The following TNFAIP8 variants were observed in gnomAD, a reference collection of about 807,000 sequenced individuals.
TNFAIP8 encodes tumor necrosis factor alpha-induced protein 8.
TNFAIP8 carries 7 observed loss-of-function variants against 13.3 expected under a neutral mutation model. That is an observed-to-expected ratio of 0.52 (90% CI 0.30 to 0.99). The LOEUF (loss-of-function observed/expected upper bound fraction) is 0.99, where lower values mean the gene tolerates loss of function less well. Among genes scored for constraint, TNFAIP8 ranks in the 50% least tolerant of loss-of-function variants. TNFAIP8 has a pLI of 0.07. For missense variants in TNFAIP8, 258 were observed against 236.9 expected (o/e 1.09, Z -0.58); for synonymous variants, 94 against 87.6 (o/e 1.07, Z -0.41).
intron 1 of TNFAIP8, among the ~76,000 whole-genome samples, chr5:119,299,586 G>T (rs566144384): frequency 5.9e-4 from 90 of 152,206 alleles, no homozygotes; most frequent in Non-Finnish European, 1.1e-3. Context: ...GAGGCAGTCT[G>T]TCCGTTCTCA....
At chr5:119,384,750 C>G (rs139195999) in intron 1 of TNFAIP8, among the ~76,000 whole-genome samples, 12 of 152,276 alleles carry the variant, frequency 7.9e-5, no homozygotes, top group African/African-American at 2.9e-4. Flanking sequence ...ACTAACATCA[C>G]CAAACTTTCT....
intron 1 of TNFAIP8, among the ~76,000 whole-genome samples, chr5:119,348,608 C>T (rs754684358): frequency 9.2e-5 from 14 of 152,050 alleles, no homozygotes; most frequent in Non-Finnish European, 2.1e-4. Context: ...TGGCTGGGCA[C>T]GGAGTCTCAC....
upstream of TNFAIP8, among the ~76,000 whole-genome samples, chr5:119,351,998 C>G (rs1382823017): frequency 6.6e-6 from 1 of 151,978 alleles, no homozygotes; most frequent in Non-Finnish European, 1.5e-5. Flanking sequence ...CTGTCTTGGC[C>G]AGGCTGGTCT....
At chr5:119,315,353 G>A (rs1162166964) in intron 1 of TNFAIP8, among the ~76,000 whole-genome samples, 1 of 152,124 alleles carries the variant, frequency 6.6e-6, no homozygotes, top group Admixed American at 6.6e-5. Flanking sequence ...CAAAGTGCTG[G>A]GATTACAGGT....
rs1444474624 is a variant in TNFAIP8 at position 119,372,464 on chromosome 5, A to G, written c.31+16343A>G. Among the ~76,000 whole-genome samples, 7 of 152,328 alleles carry G rather than the reference A, an allele frequency of 4.6e-5. No homozygotes were observed. The East Asian group carries it at 1.2e-3, about 25-fold the overall frequency. ...AAATAACAGCTAGATATGATCAATA[A>G]TATAATATTTTCCAAGAACAAAGAT... On this transcript the variant is annotated intron_variant, in intron 1 of 1. Coordinates refer to ENST00000504771, the MANE Select transcript of TNFAIP8 (RefSeq NM_014350.4).
chr5:119,270,091 G>T (rs1748232965), intron 1 of TNFAIP8, among the ~76,000 whole-genome samples: 1 of 152,118 alleles, frequency 6.6e-6, no homozygotes. Flanking sequence ...ATTATTCTTC[G>T]AGGGTAAGGA....
chr5:119,361,041 A>G (rs1216872406), intron 1 of TNFAIP8, among the ~76,000 whole-genome samples: 3 of 152,152 alleles, frequency 2.0e-5, no homozygotes, highest in Non-Finnish European at 4.4e-5. Flanking sequence ...TTGGGTACAG[A>G]CACTCTTCCT....
At chr5:119,307,119 A>G (rs1043759410) in intron 1 of TNFAIP8, among the ~76,000 whole-genome samples, 3 of 152,194 alleles carry the variant, frequency 2.0e-5, no homozygotes, top group African/African-American at 7.2e-5. Context: ...CACATTAAAT[A>G]CTTTGAACAT....
intron 1 of TNFAIP8, among the ~76,000 whole-genome samples, chr5:119,287,885 C>T (rs1561983875): frequency 1.3e-5 from 2 of 152,188 alleles, no homozygotes; most frequent in African/African-American, 2.4e-5. Context: ...AAAATTGTGG[C>T]TTTACTAACC....
chr5:119,320,550 A>G (rs1750024189), intron 1 of TNFAIP8, among the ~76,000 whole-genome samples: 1 of 152,032 alleles, frequency 6.6e-6, no homozygotes, highest in Admixed American at 6.6e-5. Context: ...ACTACTCCTC[A>G]AAAACCCTTT....
intron 1 of TNFAIP8, among the ~76,000 whole-genome samples, chr5:119,302,683 G>A (rs1178141669): frequency 6.6e-6 from 1 of 152,164 alleles, no homozygotes; most frequent in Non-Finnish European, 1.5e-5. Context: ...CATTAGGTTA[G>A]CTGGATCAGT....
intron 1 of TNFAIP8, among the ~76,000 whole-genome samples, chr5:119,309,693 A>G (rs939408333): frequency 1.3e-5 from 2 of 152,182 alleles, no homozygotes; most frequent in African/African-American, 4.8e-5. Context: ...GTGACTCCCC[A>G]CTCACAAAAG....
At chr5:119,362,721 G>A (rs1261313657) in intron 1 of TNFAIP8, among the ~76,000 whole-genome samples, 2 of 151,804 alleles carry the variant, frequency 1.3e-5, no homozygotes, top group Admixed American at 6.6e-5. Context: ...GAGCCCAGGA[G>A]TTCAAGGCTG....
chr5:119,397,551 A>T lies in TNFAIP8; in HGVS notation c.*4170A>T, dbSNP rs1246808135. 6.6e-6 allele frequency: 1 copy of T among 152,214 alleles called. No homozygotes were observed. Among genetic ancestry groups the T allele is most frequent in the Non-Finnish European group, 1.5e-5 (1 of 68,028 alleles). 9.4% of individuals were successfully genotyped at this position (152,214 alleles called of 1,614,324 possible). ...GGCTTCTAGGTGATTTGTTAAACTC[A>T]TAGCAGGTTTTAGTACACAGTGCTG... is the stretch of plus-strand genomic sequence containing the variant. On this transcript the variant is annotated 3_prime_UTR_variant, in exon 2 of 2. Coordinates refer to ENST00000504771, the MANE Select transcript of TNFAIP8 (RefSeq NM_014350.4).
chr5:119,376,196 C>T (rs992245059), intron 1 of TNFAIP8, among the ~76,000 whole-genome samples: 8 of 151,548 alleles, frequency 5.3e-5, no homozygotes, highest in Non-Finnish European at 1.0e-4. Flanking sequence ...CTCACTGCAA[C>T]CTCCCCGTCC....
At chr5:119,336,403 G>T (rs537818334) in intron 1 of TNFAIP8, among the ~76,000 whole-genome samples, 1 of 152,298 alleles carries the variant, frequency 6.6e-6, no homozygotes, top group African/African-American at 2.4e-5. Flanking sequence ...CTGAGAGGAA[G>T]AAAAGTGCTG....
chr5:119,300,509 T>C (rs755224543), intron 1 of TNFAIP8, among the ~76,000 whole-genome samples: 49 of 152,230 alleles, frequency 3.2e-4, no homozygotes, highest in Non-Finnish European at 5.9e-4. Context: ...AGAAACGATA[T>C]TGCATTCCTG....
chr5:119,294,632 A>G (rs546883141), intron 1 of TNFAIP8, among the ~76,000 whole-genome samples: 41 of 152,276 alleles, frequency 2.7e-4, no homozygotes, highest in African/African-American at 9.9e-4. Context: ...GACTTCCACA[A>G]TGGTAGAACT....
intron 1 of TNFAIP8, among the ~76,000 whole-genome samples, chr5:119,281,306 A>ACACACACACACACACTCTCT: frequency 0.018 from 2,065 of 114,204 alleles, 41 homozygotes; most frequent in South Asian, 0.04. Flanking sequence ...ACACACACAC[A>ACACACACACACACACTCTCT]CTCTCTCTCT....
Sources: allele counts gnomAD v4.1 joint callset (sites outside exome capture counted in the v4.1 genomes callset), GRCh38; gene constraint gnomAD v4.1.1; transcripts MANE v1.5; gene names NCBI Gene and HGNC (gene_info 2026-07-23, HGNC 2026-07-21).